IKBKB: variants seen among roughly 807,000 people sequenced by gnomAD.
The protein encoded by IKBKB is inhibitor of nuclear factor kappa-B kinase subunit beta.
A neutral mutation model predicts 113.6 loss-of-function variants in IKBKB; 42 were observed. The ratio of observed to expected loss-of-function variants is 0.37; its 90% CI spans 0.29 to 0.48. The LOEUF (loss-of-function observed/expected upper bound fraction) is 0.48. Among genes scored for constraint, IKBKB ranks in the 20% least tolerant of loss-of-function variants. The probability of loss-of-function intolerance (pLI) is 0.99; values close to 1 mark genes in which losing one functional copy is unlikely to be tolerated. For missense variants in IKBKB, 673 were observed against 939.7 expected (o/e 0.72, Z 3.71); for synonymous variants, 296 against 361.3 (o/e 0.82, Z 2.05).
At chr8:42,329,871 A>T (rs1057429900) in intron 21 of IKBKB, 1 of 985,438 alleles carries the variant, frequency 1.0e-6, no homozygotes, top group Non-Finnish European at 1.2e-6. Context: ...AGATCTTTAC[A>T]TGGCCTTTAC....
intron 1 of IKBKB, 91 bp downstream of exon 1, chr8:42,271,560 T>A: frequency 1.8e-6 from 1 of 566,178 alleles, no homozygotes; most frequent in Non-Finnish European, 3.1e-6. Context: ...TCTGTGCCGC[T>A]GGGAAGTCGC....
chr8:42,326,286 C>T (rs1055110182), intron 20 of IKBKB, 189 bp downstream of exon 20: 3 of 641,756 alleles, frequency 4.7e-6, no homozygotes, highest in Non-Finnish European at 7.9e-6. Context: ...TTGAAACTTA[C>T]TAACTAGTTT....
intron 2 of IKBKB, among the ~76,000 whole-genome samples, chr8:42,276,454 A>G (rs1029487768): frequency 6.6e-6 from 1 of 152,050 alleles, no homozygotes; most frequent in Non-Finnish European, 1.5e-5. Context: ...TTTGCTGTTG[A>G]ATTGTTTGAG....
chr8:42,289,022 A>G (rs1451856837), intron 3 of IKBKB, among the ~76,000 whole-genome samples: 1 of 151,310 alleles, frequency 6.6e-6, no homozygotes, highest in Non-Finnish European at 1.5e-5. Flanking sequence ...TGCTGGGATT[A>G]CTCCAATGAC....
intron 2 of IKBKB, among the ~76,000 whole-genome samples, chr8:42,285,469 C>T (rs908326804): frequency 4.6e-5 from 7 of 152,164 alleles, no homozygotes; most frequent in African/African-American, 7.2e-5. Flanking sequence ...GTGGGAGGAT[C>T]GCTTGAGCCC....
chr8:42,331,084 C>T lies in IKBKB; in HGVS notation c.*105C>T, dbSNP rs555051396. On this transcript the variant is annotated 3_prime_UTR_variant, in exon 22 of 22. Transcript: ENST00000520810. ...GGGCTGCCTGGAGCAGGCCGCGTGA[C>T]GTGGGGCTGCCTGGCCGCGGCTCTC... The T allele has an allele frequency of 9.7e-6, 15 of 1,551,766 alleles. No homozygotes were observed. In the Admixed American group the frequency reaches 1.1e-4, roughly 11 times the overall value.
At chr8:42,330,010 C>T (rs1821479763) in intron 21 of IKBKB, 1 of 985,334 alleles carries the variant, frequency 1.0e-6, no homozygotes, top group Non-Finnish European at 1.2e-6. Flanking sequence ...TTCTATATCT[C>T]TTGCTGCTCT....
chr8:42,296,079 G>A (rs1031444312), intron 5 of IKBKB, among the ~76,000 whole-genome samples: 1 of 152,090 alleles, frequency 6.6e-6, no homozygotes, highest in Non-Finnish European at 1.5e-5. Context: ...ACCCTGAGTT[G>A]GAAATAATTT....
chr8:42,272,497 T>C, intron 2 of IKBKB: 1 of 472,720 alleles, frequency 2.1e-6, no homozygotes, highest in Non-Finnish European at 3.7e-6. Context: ...TATATACTGA[T>C]ATTATATGTT....
chr8:42,303,110 AGAGAGAGAATGAGAGAGAGAGAGAGAG>A (rs1312577797), intron 5 of IKBKB, among the ~76,000 whole-genome samples: 1,618 of 150,952 alleles, frequency 0.011, 28 homozygotes, highest in African/African-American at 0.038. Context: ...AGAGAGAGAG[AGAGAGAGAATGAGAGAGAGAGAGAGAG>A]GAGAGAGAAT....
intron 2 of IKBKB, among the ~76,000 whole-genome samples, chr8:42,278,862 C>T (rs1015489556): frequency 2.1e-4 from 32 of 152,208 alleles, no homozygotes; most frequent in African/African-American, 7.5e-4. Flanking sequence ...GGCATGGTGG[C>T]GCATGCCTGT....
chr8:42,303,120 TGAGAGA>T (rs1021302959), intron 5 of IKBKB, among the ~76,000 whole-genome samples: 3 of 63,734 alleles, frequency 4.7e-5, no homozygotes, highest in African/African-American at 7.3e-5. Context: ...AGAGAGAGAA[TGAGAGA>T]GAGAGAGAGA....
At chr8:42,296,604 G>A (rs996313283) in intron 5 of IKBKB, among the ~76,000 whole-genome samples, 13 of 150,644 alleles carry the variant, frequency 8.6e-5, no homozygotes, top group African/African-American at 2.7e-4. Flanking sequence ...AGCCAAGATC[G>A]CACCATTGCA....
rs1438637705 is a variant in IKBKB, at chr8:42,320,759, G to C, written c.1603G>C (p.Glu535Gln). Reference sequence around the variant, plus strand: ...GGAGAACGAAGTGAAACTCCTGGTAGAACGGATGATGGCTCTGCAGACCGA... The same window carrying C: ...GGAGAACGAAGTGAAACTCCTGGTACAACGGATGATGGCTCTGCAGACCGA... ...GRENEVKLLV[E>Q]RMMALQTDIV... The change falls in exon 16 of 22, where the codon GAA becomes CAA. Residue 535 changes from glutamate (E) to glutamine (Q), a missense_variant. By Grantham distance (29) the Glu-to-Gln change is conservative. Coordinates refer to ENST00000520810, the MANE Select transcript of IKBKB (RefSeq NM_001556.3). 1 of 1,613,016 alleles carries C rather than the reference G, an allele frequency of 6.2e-7. No individual in the cohort carries two copies. Among genetic ancestry groups the C allele is most frequent in the Non-Finnish European group, 8.5e-7 (1 of 1,179,458 alleles).
chr8:42,326,141 G>C (rs763020641), intron 20 of IKBKB, 44 bp downstream of exon 20: 1 of 1,610,282 alleles, frequency 6.2e-7, no homozygotes, highest in East Asian at 2.2e-5. Context: ...TCAAGGGCAC[G>C]TCAGGAGATC....
At chr8:42,276,685 C>G (rs926665389) in intron 2 of IKBKB, among the ~76,000 whole-genome samples, 1 of 151,184 alleles carries the variant, frequency 6.6e-6, no homozygotes, top group African/African-American at 2.4e-5. Flanking sequence ...AGACCAATGC[C>G]CTGAAGCACT....
intron 16 of IKBKB, 111 bp from the exon 17 acceptor site, chr8:42,321,785 A>G (rs1344281025): frequency 4.2e-6 from 3 of 708,888 alleles, no homozygotes; most frequent in East Asian, 5.4e-5. Flanking sequence ...GTGAGCCCAG[A>G]AGTTCGAGAC....
rs1007246855 is a variant in IKBKB, at chr8:42,306,145, C to T, written c.478-198C>T. ...GGAGGACACGTGCCTAGCATTTTTA[C>T]AATATGCCTTTTCTTTTAGCCCTGA... On this transcript the variant is annotated intron_variant, in intron 6 of 21. Transcript: ENST00000520810. Among the ~76,000 whole-genome samples, 4 of 152,222 alleles carry T rather than the reference C, an allele frequency of 2.6e-5. 1 individual carries two copies. The South Asian group carries it at 8.3e-4, about 32-fold the overall frequency.
rs144319395 is a variant in IKBKB at position 42,325,258 on chromosome 8, G to T, written c.1987-712G>T. 5.1e-6 allele frequency: 5 copies of T among 985,700 alleles called. No individual in the cohort carries two copies. In the African/African-American group the frequency reaches 5.2e-5, roughly 10 times the overall value. 61.1% of individuals were successfully genotyped at this position (985,700 alleles called of 1,614,324 possible). Reference sequence around the variant, plus strand: ...GAGGGGCAGTGGCTGCAGCCCCTTGGGAGTCAGGGTGTCCTTGTTTCTTCT... The same window carrying T: ...GAGGGGCAGTGGCTGCAGCCCCTTGTGAGTCAGGGTGTCCTTGTTTCTTCT... On this transcript the variant is annotated intron_variant, in intron 19 of 21. Transcript: ENST00000520810.
Sources: gnomAD v4.1 joint callset for allele counts (sites outside exome capture counted in the v4.1 genomes callset) on GRCh38, gnomAD v4.1.1 for gene constraint, MANE v1.5 for transcripts, NCBI Gene and HGNC (gene_info 2026-07-23, HGNC 2026-07-21) for gene names.